The following NYAP2 variants were observed in gnomAD, a reference collection of about 807,000 sequenced individuals.
NYAP2 encodes the protein neuronal tyrosine-phosphorylated phosphoinositide-3-kinase adapter 2.
Under a neutral mutation model 50.4 loss-of-function variants are expected in NYAP2, and 23 were observed. The ratio of observed to expected loss-of-function variants is 0.46; its 90% CI spans 0.33 to 0.65. NYAP2 has a LOEUF of 0.65. Among genes scored for constraint, NYAP2 ranks in the 30% least tolerant of loss-of-function variants. NYAP2 has a pLI of 0.02. For synonymous variants in NYAP2, 394 were observed against 365.2 expected (o/e 1.08, Z -0.90); for missense variants, 885 against 861.0 (o/e 1.03, Z -0.35).
At chr2:225,591,766 C>G (rs1275992272) in intron 5 of NYAP2, among the ~76,000 whole-genome samples, 1 of 152,178 alleles carries the variant, frequency 6.6e-6, no homozygotes, top group Non-Finnish European at 1.5e-5. Context: ...CTTGATCAAT[C>G]TCTCCAAAAT....
intron 4 of NYAP2, among the ~76,000 whole-genome samples, chr2:225,548,294 A>G (rs911748170): frequency 6.7e-6 from 1 of 149,024 alleles, no homozygotes; most frequent in South Asian, 2.2e-4. Flanking sequence ...ATTTTTCCTT[A>G]ACTCTTATAG....
downstream of NYAP2, among the ~76,000 whole-genome samples, chr2:225,658,571 T>C (rs1311834402): frequency 6.6e-6 from 1 of 152,236 alleles, no homozygotes; most frequent in Admixed American, 6.5e-5. Context: ...CCAAGTACTA[T>C]AGCCTAGTTG....
intron 4 of NYAP2, among the ~76,000 whole-genome samples, chr2:225,536,969 G>A (rs1270123262): frequency 2.6e-5 from 4 of 151,818 alleles, no homozygotes; most frequent in Non-Finnish European, 5.9e-5. Flanking sequence ...TAGTAGAGAC[G>A]AGGTTTCACC....
At chr2:225,536,972 G>A (rs1574664890) in intron 4 of NYAP2, among the ~76,000 whole-genome samples, 1 of 151,950 alleles carries the variant, frequency 6.6e-6, no homozygotes, top group East Asian at 1.9e-4. Flanking sequence ...TAGAGACGAG[G>A]TTTCACCATG....
At chr2:225,605,685 G>T (rs1692773163) in intron 5 of NYAP2, among the ~76,000 whole-genome samples, 1 of 151,964 alleles carries the variant, frequency 6.6e-6, no homozygotes, top group Non-Finnish European at 1.5e-5. Flanking sequence ...ATAAATAAAT[G>T]ATGGCAATCA....
At chr2:225,589,794 AG>A (rs1159869965) in intron 5 of NYAP2, among the ~76,000 whole-genome samples, 4 of 152,100 alleles carry the variant, frequency 2.6e-5, no homozygotes, top group Non-Finnish European at 4.4e-5. Flanking sequence ...GTGCTGACAA[AG>A]AGTAGGACAA....
chr2:225,645,748 G>A (rs1319086372), intron 6 of NYAP2, among the ~76,000 whole-genome samples: 1 of 152,112 alleles, frequency 6.6e-6, no homozygotes, highest in East Asian at 1.9e-4. Context: ...CCCCTTGTTG[G>A]TGGACCCCAA....
chr2:225,635,237 G>C (rs187709670), intron 6 of NYAP2, among the ~76,000 whole-genome samples: 14 of 152,302 alleles, frequency 9.2e-5, no homozygotes, highest in Middle Eastern at 3.4e-3. Context: ...GTCCTTTTTG[G>C]AAGACCGTAA....
intron 5 of NYAP2, among the ~76,000 whole-genome samples, chr2:225,620,429 ACG>A (rs1343644494): frequency 1.6e-4 from 5 of 30,742 alleles, no homozygotes; most frequent in Non-Finnish European, 3.5e-4. Context: ...ACGCACACGC[ACG>A]CACACACGCA....
chr2:225,616,531 A>C (rs1299887886), intron 5 of NYAP2, among the ~76,000 whole-genome samples: 3 of 152,184 alleles, frequency 2.0e-5, no homozygotes, highest in African/African-American at 7.2e-5. Context: ...ATTCAATTAG[A>C]ATACAGGTCA....
intron 4 of NYAP2, among the ~76,000 whole-genome samples, chr2:225,533,382 TG>T (rs1333561239): frequency 6.6e-6 from 1 of 152,194 alleles, no homozygotes; most frequent in African/African-American, 2.4e-5. Context: ...ATATAAGAGC[TG>T]GGCTATCTTT....
chr2:225,576,680 T>A lies in NYAP2; in HGVS notation c.524-5261T>A, dbSNP rs80284509. ...TAAAACATGATAAGCAAAGTTATAGTGCTGCTATGGAAAGGACTGTTTAAA... is the reference window on the plus strand; with the variant it reads ...TAAAACATGATAAGCAAAGTTATAGAGCTGCTATGGAAAGGACTGTTTAAA... On this transcript the variant is annotated intron_variant, in intron 4 of 6. Coordinates refer to ENST00000636099, the Ensembl canonical transcript of NYAP2. Among the ~76,000 whole-genome samples the A allele has an allele frequency of 2.0e-3, 312 of 152,330 alleles. 1 individual carries two copies. Among genetic ancestry groups the A allele is most frequent in the Non-Finnish European group, 3.5e-3 (241 of 68,034 alleles).
chr2:225,403,702 C>A (rs1211035494), intron 2 of NYAP2, among the ~76,000 whole-genome samples: 1 of 151,798 alleles, frequency 6.6e-6, no homozygotes, highest in Non-Finnish European at 1.5e-5. Context: ...ATCAGAAATT[C>A]CAGATAAATA....
At chr2:225,657,899 C>T (rs552179897), downstream of NYAP2, among the ~76,000 whole-genome samples, 47 of 152,338 alleles carry the variant, frequency 3.1e-4, no homozygotes, top group African/African-American at 1.1e-3. Context: ...AGTTGGAGAG[C>T]ATGTGCCACC....
At chr2:225,438,461 G>T (rs1039443430) in intron 3 of NYAP2, among the ~76,000 whole-genome samples, 1 of 152,244 alleles carries the variant, frequency 6.6e-6, no homozygotes, top group Non-Finnish European at 1.5e-5. Context: ...AGCCCTGCAA[G>T]TATTGTGAAA....
At chr2:225,657,253 G>A (rs970150313), downstream of NYAP2, among the ~76,000 whole-genome samples, 3 of 151,940 alleles carry the variant, frequency 2.0e-5, no homozygotes, top group African/African-American at 7.2e-5. Context: ...GAGATTACAG[G>A]CGTCTGCCAC....
chr2:225,499,397 C>T (rs1250156300), intron 3 of NYAP2, among the ~76,000 whole-genome samples: 2 of 151,818 alleles, frequency 1.3e-5, no homozygotes, highest in African/African-American at 4.8e-5. Context: ...ACTGCAAGCT[C>T]TGCCTCCGGG....
At chr2:225,591,634 C>G (rs1692506003) in intron 5 of NYAP2, among the ~76,000 whole-genome samples, 1 of 152,082 alleles carries the variant, frequency 6.6e-6, no homozygotes, top group Admixed American at 6.5e-5. Context: ...ATTGACCTTG[C>G]CGTTTTAAAG....
At chr2:225,665,671 T>C in the NYAP2 span, among the ~76,000 whole-genome samples, 1 of 149,240 alleles carries the variant, frequency 6.7e-6, no homozygotes, top group Non-Finnish European at 1.5e-5. Context: ...TAGCCGGGTG[T>C]GGTGGTGCGT....
Sources: gnomAD v4.1 joint callset for allele counts (sites outside exome capture counted in the v4.1 genomes callset) on GRCh38, gnomAD v4.1.1 for gene constraint, MANE v1.5 for transcripts, NCBI Gene and HGNC (gene_info 2026-07-23, HGNC 2026-07-21) for gene names.